The following ZNF534 variants were observed in gnomAD, a reference collection of about 807,000 sequenced individuals.
ZNF534 encodes zinc finger protein 534, also known as KRAB domain only 3.
A neutral mutation model predicts 13.6 loss-of-function variants in ZNF534; 19 were observed. The observed-to-expected ratio is 1.40, with a 90% CI of 0.97 to 2.05. The LOEUF is 2.05. Ranked by LOEUF, ZNF534 falls within the 30% of genes most tolerant of loss-of-function variation. The pLI is 0.00. For synonymous variants in ZNF534, 244 were observed against 273.8 expected, an observed-to-expected ratio of 0.89 and a Z score of 1.07; for missense variants, 782 against 796.3, an observed-to-expected ratio of 0.98 and a Z score of 0.22.
Position 52,441,212 on chromosome 19 carries a change from CAT to C in ZNF534, c.*1769_*1770del, listed in dbSNP as rs2059170824. Among the ~76,000 whole-genome samples, 2 of 151,550 alleles carry C rather than the reference CAT, an allele frequency of 1.3e-5. No homozygotes were observed. Among genetic ancestry groups the C allele is most frequent in the Non-Finnish European group, 2.9e-5 (2 of 67,960 alleles). On this transcript the variant is annotated 3_prime_UTR_variant, in exon 5 of 5. Coordinates refer to ENST00000433050, the MANE Select transcript of ZNF534 (RefSeq NM_001143938.3). ...AGCTGCTGCACCCAGCTTGAGAAAT[CAT>C]ATGAATATATGGAATGTACTCCAGG... is the stretch of plus-strand genomic sequence containing the variant.
At chr19:52,449,761 C>G (rs1232846672) in intron 4 of ZNF534, among the ~76,000 whole-genome samples, 1 of 150,510 alleles carries the variant, frequency 6.6e-6, no homozygotes, top group East Asian at 1.9e-4. Flanking sequence ...GTGGCTCACA[C>G]CTGTAATCCC....
rs1034123171 is a variant in ZNF534, at chr19:52,440,246, G to C, written c.*800G>C. ...TGTTTTCCCTAACCTCTCATCAAGA[G>C]AATTCACACTGGTGATTGACTTTAA... is the stretch of plus-strand genomic sequence containing the variant. On this transcript the variant is annotated 3_prime_UTR_variant, in exon 5 of 5. Coordinates refer to ENST00000433050, the MANE Select transcript of ZNF534 (RefSeq NM_001143938.3). Among the ~76,000 whole-genome samples the C allele has an allele frequency of 6.6e-6, 1 of 152,266 alleles. No homozygotes were observed. The highest frequency in any genetic ancestry group is 1.5e-5 in the Non-Finnish European group (1 of 68,020).
downstream of ZNF534, among the ~76,000 whole-genome samples, chr19:52,447,189 G>C (rs1390071213): frequency 6.6e-6 from 1 of 152,130 alleles, no homozygotes; most frequent in African/African-American, 2.4e-5. Context: ...GTCATCTCAA[G>C]ATCCTTAACT....
downstream of ZNF534, among the ~76,000 whole-genome samples, chr19:52,443,506 C>T (rs114186142): frequency 0.019 from 2,816 of 152,158 alleles, 70 homozygotes; most frequent in African/African-American, 0.057. Context: ...CCTCATCTTA[C>T]GTTGGGAGGC....
chr19:52,433,850 C>G (rs762593088), intron 2 of ZNF534, 105 bp from the exon 3 acceptor site: 1 of 1,296,492 alleles, frequency 7.7e-7, no homozygotes, highest in South Asian at 1.2e-5. Context: ...GGATTTGGCG[C>G]AGTGCTCGCT....
At chr19:52,432,884 C>T (rs1052692463) in intron 2 of ZNF534, among the ~76,000 whole-genome samples, 16 of 152,032 alleles carry the variant, frequency 1.1e-4, no homozygotes, top group Admixed American at 1.0e-3. Context: ...CCTGCCTCGG[C>T]CTCCCAAAGT....
At chr19:52,433,197 C>G (rs946132046) in intron 2 of ZNF534, among the ~76,000 whole-genome samples, 3 of 140,944 alleles carry the variant, frequency 2.1e-5, no homozygotes, top group African/African-American at 7.9e-5. Context: ...GGATATCACA[C>G]CCCTGCACTC....
At chr19:52,448,810 C>G (rs1184570250) in intron 4 of ZNF534, among the ~76,000 whole-genome samples, 3 of 152,148 alleles carry the variant, frequency 2.0e-5, no homozygotes, top group African/African-American at 7.2e-5. Flanking sequence ...AGATAATGAT[C>G]AAATCAGGAT....
intron 1 of ZNF534, among the ~76,000 whole-genome samples, chr19:52,430,693 G>T (rs1347675867): frequency 1.3e-5 from 2 of 151,266 alleles, no homozygotes; most frequent in Non-Finnish European, 2.9e-5. Context: ...GGGATTATAG[G>T]TGCCTGCCAT....
At chr19:52,432,357 T>A (rs2059093420) in intron 2 of ZNF534, among the ~76,000 whole-genome samples, 1 of 152,216 alleles carries the variant, frequency 6.6e-6, no homozygotes, top group South Asian at 2.1e-4. Context: ...ACTGTCTGAT[T>A]CTTTAGGTTT....
chr19:52,429,987 C>T lies in ZNF534; in HGVS notation c.-68+743C>T, dbSNP rs7252546. Reference sequence around the variant, plus strand: ...TTTTCCCTTAACAATGCCCTCCAGGCACATGAGTATTGATTGATGCTGACA... The same window carrying T: ...TTTTCCCTTAACAATGCCCTCCAGGTACATGAGTATTGATTGATGCTGACA... On this transcript the variant is annotated intron_variant, in intron 1 of 4. Coordinates refer to ENST00000433050, the MANE Select transcript of ZNF534 (RefSeq NM_001143938.3). Among the ~76,000 whole-genome samples the T allele has an allele frequency of 4.8e-3, 724 of 151,528 alleles. 6 individuals carry two copies. Among genetic ancestry groups the T allele is most frequent in the African/African-American group, 0.017 (693 of 41,234 alleles).
At chr19:52,430,159 G>T (rs1361397013) in intron 1 of ZNF534, among the ~76,000 whole-genome samples, 3 of 151,184 alleles carry the variant, frequency 2.0e-5, no homozygotes, top group African/African-American at 7.3e-5. Context: ...GGGATTACAG[G>T]TGTCCACCAC....
rs1159977218 is a variant in ZNF534, at chr19:52,451,340, C to T, written c.425C>T (p.Ala142Val). The change falls in exon 5 of 5, where the codon GCT becomes GTT. Residue 142 changes from alanine (A) to valine (V), a missense_variant. Transcript: ENST00000301085. Reference sequence around the variant, plus strand: ...CTGCTACCATTTCCTTCCGTTTCTGCTTCGCTTGGCGATGCAAAACGCGCG... The same window carrying T: ...CTGCTACCATTTCCTTCCGTTTCTGTTTCGCTTGGCGATGCAAAACGCGCG... 4 of 1,062,290 alleles carry T rather than the reference C, an allele frequency of 3.8e-6. No homozygotes were observed. In the African/African-American group the frequency reaches 6.3e-5, roughly 17 times the overall value. 65.8% of individuals were successfully genotyped at this position (1,062,290 alleles called of 1,614,324 possible).
rs760470215 is a variant in ZNF534 at position 52,438,030 on chromosome 19, G to A, written c.570G>A (p.Glu190=). The A allele has an allele frequency of 6.2e-7, 1 of 1,614,118 alleles. No homozygotes were observed. The highest frequency in any genetic ancestry group is 2.2e-5 in the East Asian group (1 of 44,872). The change falls in exon 5 of 5, where the codon GAG becomes GAA. Residue 190 remains glutamate (E), a synonymous_variant. Transcript: ENST00000433050. ...GGGAAAAGCCTTATGGATGTAATGA[G>A]CATGGGAAAGTCTTCAGAGTGTCTT... is the stretch of plus-strand genomic sequence containing the variant. The part of the protein sequence containing the change: ...HIREKPYGCN[E]HGKVFRVSSS...
downstream of ZNF534, among the ~76,000 whole-genome samples, chr19:52,444,597 G>A (rs1156645037): frequency 6.6e-6 from 1 of 152,048 alleles, no homozygotes; most frequent in African/African-American, 2.4e-5. Flanking sequence ...AGTTACCAGG[G>A]TGGGTAAGGA....
In ZNF534 at chr19:52,442,427, T is replaced by C. The variant is rs1435328587; in HGVS notation, c.*2981T>C. ...CTTTGTTTCCCATAAGGAATGCTTT[T>C]ATGTAATCTATAATCAATAGAAACA... On this transcript the variant is annotated 3_prime_UTR_variant, in exon 5 of 5. Coordinates refer to ENST00000433050, the MANE Select transcript of ZNF534 (RefSeq NM_001143938.3). Among the ~76,000 whole-genome samples, 1 of 152,254 alleles carries C rather than the reference T, an allele frequency of 6.6e-6. No individual in the cohort carries two copies. Among genetic ancestry groups the C allele is most frequent in the Non-Finnish European group, 1.5e-5 (1 of 68,046 alleles).
At chr19:52,435,024 A>G in intron 3 of ZNF534, 57 bp from the exon 4 acceptor site, 1 of 1,562,548 alleles carries the variant, frequency 6.4e-7, no homozygotes. Flanking sequence ...ACCTAAATAT[A>G]GGGCTTGGAC....
At position 52,438,285 on chromosome 19, in the gene ZNF534, T is replaced by C; in HGVS notation, c.825T>C (p.Cys275=). The C allele has an allele frequency of 6.2e-7, 1 of 1,605,630 alleles. No individual in the cohort carries two copies. The highest frequency in any genetic ancestry group is 2.2e-5 in the East Asian group (1 of 44,672). The change falls in exon 5 of 5, where the codon TGT becomes TGC. Residue 275 remains cysteine (C), a synonymous_variant. Coordinates refer to ENST00000433050, the MANE Select transcript of ZNF534 (RefSeq NM_001143938.3). ...TGQKPYNNKE[C]GKVFSHHAYL... ...AGAAACCTTACAATAACAAAGAATG[T>C]GGGAAAGTCTTTAGTCACCATGCCT...
At position 52,440,578 on chromosome 19, in the gene ZNF534, TG is replaced by T. The variant is rs1312222864; in HGVS notation, c.*1133del. On this transcript the variant is annotated 3_prime_UTR_variant, in exon 5 of 5. Coordinates refer to ENST00000433050, the MANE Select transcript of ZNF534 (RefSeq NM_001143938.3). ...GACGGATCAGTTGAGGTCAGGAGTT[TG>T]AGACCAGCCTGACCAATGTGTTGAA... 2.6e-5 allele frequency among the ~76,000 whole-genome samples: 4 copies of T among 152,118 alleles called. No homozygotes were observed. The highest frequency in any genetic ancestry group is 1.3e-4 in the Admixed American group (2 of 15,272).
Sources: gnomAD v4.1 joint callset for allele counts (sites outside exome capture counted in the v4.1 genomes callset) on GRCh38, gnomAD v4.1.1 for gene constraint, MANE v1.5 for transcripts, NCBI Gene and HGNC (gene_info 2026-07-23, HGNC 2026-07-21) for gene names.